The following LMBR1 variants were observed in gnomAD, a reference collection of about 807,000 sequenced individuals.
LMBR1 encodes the protein limb region 1 protein homolog.
Under a neutral mutation model 73.9 loss-of-function variants are expected in LMBR1, and 52 were observed. The observed-to-expected ratio is 0.70, with a 90% CI of 0.56 to 0.89. The LOEUF is 0.89. Ranked by LOEUF, LMBR1 falls within the 40% of genes least tolerant of loss-of-function variation. LMBR1 has a pLI of 0.00. For missense variants in LMBR1, 539 were observed against 579.8 expected, an observed-to-expected ratio of 0.93 and a Z score of 0.72; for synonymous variants, 215 against 209.4, an observed-to-expected ratio of 1.03 and a Z score of -0.23.
At position 156,756,210 on chromosome 7, in the gene LMBR1, A is replaced by C. The variant is rs868545005; in HGVS notation, c.757+183T>G. Among the ~76,000 whole-genome samples, 9 of 152,342 alleles carry C rather than the reference A, an allele frequency of 5.9e-5. No homozygotes were observed. In the South Asian group the frequency reaches 1.2e-3, roughly 21 times the overall value. On this transcript the variant is annotated intron_variant, in intron 9 of 16. Coordinates refer to ENST00000353442, the MANE Select transcript of LMBR1 (RefSeq NM_022458.4). ...AATGGGTCCTGCTAGGTTACAGCTC[A>C]TCTCAGCCAGGGTCTGCAATAACCC...
chr7:156,826,653 A>C lies in LMBR1; in HGVS notation c.271T>G (p.Phe91Val). 6.2e-7 allele frequency: 1 copy of C among 1,602,652 alleles called. No individual in the cohort carries two copies. The highest frequency in any genetic ancestry group is 8.5e-7 in the Non-Finnish European group (1 of 1,173,610). ...CACTGAATATAGTAGTTCTGAGGAA[A>C]AGAAAGCAGGATTTCATTGCTGATG... ...SIISNEILLS[F>V]PQNYYIQWLN... Residue 91 changes from phenylalanine to valine, a missense_variant, in exon 4 of 17, where the codon TTT becomes GTT. Around this residue, in one of 3 missense-constraint regions of LMBR1, gnomAD observed 454 missense variants for 473.4 expected, o/e 0.96. Coordinates refer to ENST00000353442, the MANE Select transcript of LMBR1 (RefSeq NM_022458.4).
Position 156,670,673 on chromosome 7 carries a change from G to C in LMBR1, n.867-1386C>G, listed in dbSNP as rs1802288318. ...CTGGGACCTGCAGATTTCCCAGTGGGAGCGGCAGAAGGTGAGATGGCATCT... is the reference window on the plus strand; with the variant it reads ...CTGGGACCTGCAGATTTCCCAGTGGCAGCGGCAGAAGGTGAGATGGCATCT... On this transcript the variant is annotated intron_variant and non_coding_transcript_variant, in intron 4 of 4. Coordinates refer to the LMBR1 transcript ENST00000430825. This position sits in a 1 kb window ranked among gnomAD's most constrained non-coding sequence, Gnocchi z 4.3. Among the ~76,000 whole-genome samples, 1 of 152,200 alleles carries C rather than the reference G, an allele frequency of 6.6e-6. No homozygotes were observed.
At chr7:156,704,755 TAAA>T (rs201275771) in intron 15 of LMBR1, among the ~76,000 whole-genome samples, 1 of 136,900 alleles carries the variant, frequency 7.3e-6, no homozygotes, top group Non-Finnish European at 1.6e-5. Context: ...TAGTTGTCTT[TAAA>T]AAAAAAAAAA....
At chr7:156,674,717 T>C (rs1352944326), downstream of LMBR1, among the ~76,000 whole-genome samples, 1 of 152,196 alleles carries the variant, frequency 6.6e-6, no homozygotes, top group Non-Finnish European at 1.5e-5. Flanking sequence ...AGTACTGTAT[T>C]CAATTAATAA....
At chr7:156,872,786 T>A (rs769792482) in intron 1 of LMBR1, among the ~76,000 whole-genome samples, 2 of 152,146 alleles carry the variant, frequency 1.3e-5, no homozygotes, top group Non-Finnish European at 1.5e-5. Context: ...CAGGACTAGA[T>A]TGCAGCTCCC....
chr7:156,707,545 G>T (rs976761738), intron 15 of LMBR1, among the ~76,000 whole-genome samples: 3 of 152,102 alleles, frequency 2.0e-5, no homozygotes, highest in South Asian at 2.1e-4. Flanking sequence ...TTTATACCAG[G>T]AGTGTAAGGA....
chr7:156,857,247 C>T (rs923149466), intron 1 of LMBR1, among the ~76,000 whole-genome samples: 2 of 152,058 alleles, frequency 1.3e-5, no homozygotes, highest in African/African-American at 4.8e-5. Flanking sequence ...TATATGTTGT[C>T]TATAAAAAAG....
Position 156,685,101 on chromosome 7 carries a change from A to T in LMBR1, c.1388-938T>A, listed in dbSNP as rs1805720762. Among the ~76,000 whole-genome samples the T allele has an allele frequency of 6.6e-6, 1 of 152,212 alleles. No individual in the cohort carries two copies. Among genetic ancestry groups the T allele is most frequent in the Non-Finnish European group, 1.5e-5 (1 of 68,028 alleles). On this transcript the variant is annotated intron_variant, in intron 16 of 16. Transcript: ENST00000353442. This position sits in a 1 kb window ranked among gnomAD's most constrained non-coding sequence, Gnocchi z 4.1. Reference sequence around the variant, plus strand: ...AAAATAAAGAAATGACAAAAGAATAAACTGAACATAAATAATATCTCACTA... The same window carrying T: ...AAAATAAAGAAATGACAAAAGAATATACTGAACATAAATAATATCTCACTA...
chr7:156,699,082 C>T (rs1228600116), intron 15 of LMBR1, among the ~76,000 whole-genome samples: 1 of 152,202 alleles, frequency 6.6e-6, no homozygotes, highest in African/African-American at 2.4e-5. Flanking sequence ...TAAATCATCT[C>T]TCTGAAGTTG....
chr7:156,669,641 C>G lies in LMBR1; in HGVS notation n.867-354G>C, dbSNP rs539402525. ...AGAGGGCGACCCACAGCCACGTGAA[C>G]ACTGGAAACTGCCCTCAGAGCCCCG... On this transcript the variant is annotated intron_variant and non_coding_transcript_variant, in intron 4 of 4. Transcript: ENST00000430825. The surrounding 1 kb of genome is among the most constrained non-coding windows in gnomAD (Gnocchi z 4.2). Among the ~76,000 whole-genome samples, 241 of 152,284 alleles carry G rather than the reference C, an allele frequency of 1.6e-3. No individual in the cohort carries two copies. The highest frequency in any genetic ancestry group is 5.2e-3 in the African/African-American group (217 of 41,564).
chr7:156,760,215 T>C (rs569946806), intron 8 of LMBR1, among the ~76,000 whole-genome samples: 1 of 152,294 alleles, frequency 6.6e-6, no homozygotes, highest in East Asian at 1.9e-4. Context: ...CTGAACACAC[T>C]GACATACTGA....
At chr7:156,744,352 T>G (rs547314819) in intron 9 of LMBR1, among the ~76,000 whole-genome samples, 1 of 152,236 alleles carries the variant, frequency 6.6e-6, no homozygotes, top group Admixed American at 6.5e-5. Flanking sequence ...GCTTTTTTTT[T>G]TTTCCATTGT....
intron 4 of LMBR1, among the ~76,000 whole-genome samples, chr7:156,806,449 G>A (rs376168138): frequency 7.5e-6 from 1 of 132,994 alleles, no homozygotes; most frequent in African/African-American, 2.7e-5. Context: ...TCCAACTTCA[G>A]TGACTTATTT....
intron 4 of LMBR1, among the ~76,000 whole-genome samples, chr7:156,807,358 C>T (rs1490482738): frequency 1.3e-5 from 2 of 152,138 alleles, no homozygotes; most frequent in Non-Finnish European, 2.9e-5. Flanking sequence ...TGGCCTAAAG[C>T]TTTATTTGTG....
chr7:156,833,665 C>T, intron 3 of LMBR1, 88 bp downstream of exon 3: 7 of 958,746 alleles, frequency 7.3e-6, no homozygotes, highest in Non-Finnish European at 1.2e-5. Flanking sequence ...GAATATTTTC[C>T]ATACTTCTAT....
chr7:156,867,038 CAAATTATAT>C (rs1798572649), intron 1 of LMBR1, among the ~76,000 whole-genome samples: 1 of 152,088 alleles, frequency 6.6e-6, no homozygotes, highest in Non-Finnish European at 1.5e-5. Flanking sequence ...GTGACTTTCA[CAAATTATAT>C]AAAGAATTCT....
intron 4 of LMBR1, among the ~76,000 whole-genome samples, chr7:156,672,386 C>A (rs1047506830): frequency 6.6e-6 from 1 of 152,144 alleles, no homozygotes; most frequent in African/African-American, 2.4e-5. Flanking sequence ...GAGATAGGAC[C>A]TGTATGCCAC....
At chr7:156,836,528 T>C (rs546874305) in intron 2 of LMBR1, among the ~76,000 whole-genome samples, 1 of 152,260 alleles carries the variant, frequency 6.6e-6, no homozygotes, top group East Asian at 1.9e-4. Context: ...GAACCAAATA[T>C]CCTTATAAAC....
intron 7 of LMBR1, among the ~76,000 whole-genome samples, chr7:156,762,871 G>C (rs1347752887): frequency 6.7e-6 from 1 of 149,950 alleles, no homozygotes; most frequent in African/African-American, 2.5e-5. Flanking sequence ...GTGTGTGTGT[G>C]TCTGTCCGTC....
Sources: allele counts gnomAD v4.1 joint callset (sites outside exome capture counted in the v4.1 genomes callset), GRCh38; gene constraint gnomAD v4.1.1; regional missense constraint gnomAD v4.1.1; non-coding constraint Gnocchi (gnomAD v3.1); transcripts MANE v1.5; gene names NCBI Gene and HGNC (gene_info 2026-07-23, HGNC 2026-07-21).